ARHGAP15: variants seen among roughly 807,000 people sequenced by gnomAD.
ARHGAP15 encodes rho GTPase-activating protein 15.
A neutral mutation model predicts 63.7 loss-of-function variants in ARHGAP15; 51 were observed. That is an observed-to-expected ratio of 0.80 (90% CI 0.64 to 1.01). ARHGAP15 has a LOEUF of 1.01. Among genes scored for constraint, ARHGAP15 ranks in the 50% least tolerant of loss-of-function variants. The pLI is 0.00. For synonymous variants in ARHGAP15, 191 were observed against 193.8 expected (o/e 0.99, Z 0.12); for missense variants, 560 against 564.6 (o/e 0.99, Z 0.08).
At chr2:143,158,889 G>A (rs541000077) in intron 2 of ARHGAP15, among the ~76,000 whole-genome samples, 43 of 151,936 alleles carry the variant, frequency 2.8e-4, no homozygotes, top group Non-Finnish European at 4.9e-4. Context: ...TATTGCAAAA[G>A]GTTTAATGTG....
intron 9 of ARHGAP15, among the ~76,000 whole-genome samples, chr2:143,509,910 A>G (rs1693501302): frequency 6.6e-6 from 1 of 150,946 alleles, no homozygotes; most frequent in South Asian, 2.1e-4. Flanking sequence ...AATCCCAGCT[A>G]CTCAGGAGGC....
At chr2:143,435,949 A>G (rs1689595711) in intron 7 of ARHGAP15, among the ~76,000 whole-genome samples, 1 of 152,034 alleles carries the variant, frequency 6.6e-6, no homozygotes, top group Non-Finnish European at 1.5e-5. Flanking sequence ...ATAGACATTC[A>G]TTTACTGGAG....
At chr2:143,332,130 T>C (rs1684575828) in intron 6 of ARHGAP15, among the ~76,000 whole-genome samples, 14 of 152,154 alleles carry the variant, frequency 9.2e-5, no homozygotes, top group Admixed American at 9.2e-4. Flanking sequence ...CTTTCACCTA[T>C]TTGTACAATA....
At chr2:143,237,514 A>G (rs756291840) in intron 5 of ARHGAP15, 2 of 152,216 alleles carry the variant, frequency 1.3e-5, no homozygotes. Flanking sequence ...ATGCTGTCCC[A>G]AGAACTAGGT....
chr2:143,158,614 T>C (rs1327843172), intron 2 of ARHGAP15, among the ~76,000 whole-genome samples: 2 of 151,928 alleles, frequency 1.3e-5, no homozygotes, highest in African/African-American at 4.8e-5. Flanking sequence ...GTGGGCAGTT[T>C]CGAGAGGGGG....
At chr2:143,358,555 A>AT (rs922661152) in intron 6 of ARHGAP15, among the ~76,000 whole-genome samples, 2 of 151,564 alleles carry the variant, frequency 1.3e-5, no homozygotes, top group African/African-American at 4.8e-5. Context: ...GGAAGCATTT[A>AT]TTTTTTAGGA....
chr2:143,713,870 T>TAA (rs1684692851), intron 13 of ARHGAP15, among the ~76,000 whole-genome samples: 1 of 152,220 alleles, frequency 6.6e-6, no homozygotes, highest in Non-Finnish European at 1.5e-5. Flanking sequence ...TCTGCCCCTG[T>TAA]GGCTTTGCAG....
intron 10 of ARHGAP15, among the ~76,000 whole-genome samples, chr2:143,538,769 G>A (rs1046736031): frequency 9.9e-5 from 15 of 152,160 alleles, no homozygotes; most frequent in Non-Finnish European, 2.2e-4. Flanking sequence ...ATGTGCTGCT[G>A]GATTCGGTTT....
At chr2:143,658,071 T>C (rs1375336897) in intron 12 of ARHGAP15, among the ~76,000 whole-genome samples, 1 of 152,200 alleles carries the variant, frequency 6.6e-6, no homozygotes, top group East Asian at 1.9e-4. Context: ...TTCCCAGAAT[T>C]TCATCTTTTA....
chr2:143,196,014 CT>C (rs1691873158), intron 2 of ARHGAP15, among the ~76,000 whole-genome samples: 1 of 152,092 alleles, frequency 6.6e-6, no homozygotes, highest in Non-Finnish European at 1.5e-5. Flanking sequence ...AATGAAGACA[CT>C]TTGAAAAACT....
chr2:143,161,733 T>C (rs1382814455), intron 2 of ARHGAP15, among the ~76,000 whole-genome samples: 18 of 151,926 alleles, frequency 1.2e-4, no homozygotes. Context: ...AAAGCAACAA[T>C]GAACAACTAG....
chr2:143,178,785 C>A (rs546269927), intron 2 of ARHGAP15, among the ~76,000 whole-genome samples: 1 of 152,108 alleles, frequency 6.6e-6, no homozygotes. Flanking sequence ...TGTTAATTTT[C>A]CTGCTACTGA....
At chr2:143,628,132 A>C (rs1328161662) in intron 12 of ARHGAP15, among the ~76,000 whole-genome samples, 1 of 152,054 alleles carries the variant, frequency 6.6e-6, no homozygotes, top group Non-Finnish European at 1.5e-5. Context: ...CTCCAGCTGT[A>C]TCCATGTTGC....
chr2:143,198,362 C>T (rs551033302), intron 2 of ARHGAP15, among the ~76,000 whole-genome samples: 1 of 152,056 alleles, frequency 6.6e-6, no homozygotes, highest in African/African-American at 2.4e-5. Flanking sequence ...TTTGAGTCTT[C>T]TTATTTAGAT....
chr2:143,230,463 C>T (rs1017415585), intron 5 of ARHGAP15, among the ~76,000 whole-genome samples: 1 of 152,144 alleles, frequency 6.6e-6, no homozygotes, highest in Admixed American at 6.5e-5. Context: ...TGTAAGTTGA[C>T]AATAGACTTG....
intron 12 of ARHGAP15, among the ~76,000 whole-genome samples, chr2:143,698,788 G>C (rs2105411388): frequency 6.6e-6 from 1 of 152,102 alleles, no homozygotes; most frequent in Non-Finnish European, 1.5e-5. Context: ...AAGAGGGAAA[G>C]AATTATGGAG....
rs574928452 is a variant in ARHGAP15, at chr2:143,372,243, G to C, written c.475-63358G>C. On this transcript the variant is annotated intron_variant, in intron 6 of 13. Transcript: ENST00000295095. Reference sequence around the variant, plus strand: ...TGTAATCCCAGGTACTCGGAAGGAAGAGGTGGGAGGATCACCTGAGCCTGA... The same window carrying C: ...TGTAATCCCAGGTACTCGGAAGGAACAGGTGGGAGGATCACCTGAGCCTGA... Among the ~76,000 whole-genome samples the C allele has an allele frequency of 1.8e-4, 27 of 151,244 alleles. No individual in the cohort carries two copies. In the South Asian group the frequency reaches 5.4e-3, roughly 31 times the overall value.
intron 12 of ARHGAP15, among the ~76,000 whole-genome samples, chr2:143,639,606 AG>A (rs1450309114): frequency 6.6e-6 from 1 of 152,144 alleles, no homozygotes; most frequent in Non-Finnish European, 1.5e-5. Flanking sequence ...GGTAGAAAGA[AG>A]GCACTATGTC....
chr2:143,379,663 C>T (rs996429334), intron 6 of ARHGAP15, among the ~76,000 whole-genome samples: 4 of 150,840 alleles, frequency 2.7e-5, no homozygotes, highest in Non-Finnish European at 5.9e-5. Flanking sequence ...GTATTGTCAA[C>T]TATAGAGAAA....
Sources: gnomAD v4.1 joint callset for allele counts (sites outside exome capture counted in the v4.1 genomes callset) on GRCh38, gnomAD v4.1.1 for gene constraint, MANE v1.5 for transcripts, NCBI Gene and HGNC (gene_info 2026-07-23, HGNC 2026-07-21) for gene names.